Variants in TCEA3 observed in about 807,000 individuals in gnomAD.
TCEA3 encodes the protein transcription elongation factor A3, also known as transcription elongation factor A protein 3.
A neutral mutation model predicts 44.0 loss-of-function variants in TCEA3; 36 were observed. That is an observed-to-expected ratio of 0.82 (90% CI 0.63 to 1.08). TCEA3 has a LOEUF of 1.08. TCEA3 is among the 50% of genes least tolerant of loss of function. The pLI is 0.00. For synonymous variants in TCEA3, 162 were observed against 159.7 expected (o/e 1.01, Z -0.11); for missense variants, 392 against 441.2 (o/e 0.89, Z 1.00).
intron 1 of TCEA3, chr1:23,419,458 G>T: frequency 7.8e-6 from 2 of 257,690 alleles, no homozygotes; most frequent in African/African-American, 2.2e-5. Context: ...CTGGCTTATT[G>T]TTGCTCGTGT....
chr1:23,407,498 T>C (rs1639577122), intron 5 of TCEA3, among the ~76,000 whole-genome samples: 1 of 152,092 alleles, frequency 6.6e-6, no homozygotes. Flanking sequence ...CACTGTTCCT[T>C]GACTCTGCCA....
At position 23,399,495 on chromosome 1, in the gene TCEA3, G is replaced by C. The variant is rs1639334168; in HGVS notation, c.444-1540C>G. ...CCCAAATACAGTCACAATGGGGTTT[G>C]GGATTTCAACATATGAATTTTAGGG... On this transcript the variant is annotated intron_variant, in intron 5 of 10. Coordinates refer to ENST00000450454, the MANE Select transcript of TCEA3 (RefSeq NM_003196.3). 3.9e-5 allele frequency among the ~76,000 whole-genome samples: 6 copies of C among 151,988 alleles called. No individual in the cohort carries two copies. In the South Asian group the frequency reaches 1.0e-3, roughly 26 times the overall value.
At chr1:23,396,275 C>T (rs764643068) in intron 7 of TCEA3, among the ~76,000 whole-genome samples, 1 of 152,146 alleles carries the variant, frequency 6.6e-6, no homozygotes, top group African/African-American at 2.4e-5. Flanking sequence ...GCTCACACCT[C>T]GGTGTGACAC....
Position 23,393,843 on chromosome 1 carries a change from G to A in TCEA3, c.819+36C>T, listed in dbSNP as rs754342220. 4 of 1,604,818 alleles carry A rather than the reference G, an allele frequency of 2.5e-6. No homozygotes were observed. In the South Asian group the frequency reaches 4.4e-5, roughly 18 times the overall value. On this transcript the variant is annotated intron_variant, in intron 8 of 10. Transcript: ENST00000450454. ...CACTAGGCAGGGCTAGGGGGACCTG[G>A]CTTCCTGCCTCACCATGCAGATGCC...
In TCEA3 at chr1:23,392,609, T is replaced by TAC. The variant is rs148531277; in HGVS notation, c.819+1268_819+1269dup. ...TCATACACACACACTCCACACATCATACACACACACACACACTCCACACAT... is the reference window on the plus strand; with the variant it reads ...TCATACACACACACTCCACACATCATACACACACACACACACACTCCACACAT... On this transcript the variant is annotated intron_variant, in intron 8 of 10. Transcript: ENST00000450454. 6.8e-4 allele frequency among the ~76,000 whole-genome samples: 21 copies of TAC among 30,940 alleles called. 1 individual carries two copies. The highest frequency in any genetic ancestry group is 3.0e-3 in the East Asian group (5 of 1,690). The allele number at this position is 30,940 out of a possible 152,430, so 20.3% of individuals were successfully genotyped here.
intron 1 of TCEA3, among the ~76,000 whole-genome samples, chr1:23,424,161 C>A (rs1640147750): frequency 1.3e-5 from 2 of 149,560 alleles, no homozygotes; most frequent in African/African-American, 4.9e-5. Context: ...CCGGATTTGC[C>A]CCCCGCCCCG....
chr1:23,387,155 G>A (rs1244898030), intron 9 of TCEA3, 118 bp downstream of exon 9: 1 of 1,350,516 alleles, frequency 7.4e-7, no homozygotes, highest in Non-Finnish European at 9.9e-7. Flanking sequence ...ACCCGGCAAA[G>A]CCTAGAGAGT....
Position 23,397,892 on chromosome 1 carries a change from C to CGTG in TCEA3, c.504_506dup (p.Thr169dup). ...CCAGGAGACACATGGAAGAGGCAAACGTGGGGGTCAAGGGGCTGCTAGGTG... is the reference window on the plus strand; with the variant it reads ...CCAGGAGACACATGGAAGAGGCAAACGTGGTGGGGGTCAAGGGGCTGCTAGGTG... On this transcript the variant is annotated inframe_insertion, in exon 6 of 11. Coordinates refer to ENST00000450454, the MANE Select transcript of TCEA3 (RefSeq NM_003196.3). The CGTG allele has an allele frequency of 6.2e-7, 1 of 1,613,794 alleles. No individual in the cohort carries two copies. The highest frequency in any genetic ancestry group is 1.7e-5 in the Admixed American group (1 of 59,966).
chr1:23,401,527 G>A (rs1639392889), intron 5 of TCEA3, among the ~76,000 whole-genome samples: 1 of 152,176 alleles, frequency 6.6e-6, no homozygotes, highest in East Asian at 1.9e-4. Flanking sequence ...GTGAGGAAAG[G>A]CTGGACAGGG....
intron 8 of TCEA3, among the ~76,000 whole-genome samples, chr1:23,391,148 CTTTTTT>C (rs59905045): frequency 7.9e-6 from 1 of 126,388 alleles, no homozygotes; most frequent in Non-Finnish European, 1.7e-5. Flanking sequence ...TTCTTTCTTT[CTTTTTT>C]TTTTTTTTTT....
chr1:23,382,368 G>A (rs1047153223), intron 10 of TCEA3, among the ~76,000 whole-genome samples: 1 of 152,138 alleles, frequency 6.6e-6, no homozygotes, highest in Non-Finnish European at 1.5e-5. Context: ...AGGTAAGGAA[G>A]CAGATCAGAG....
chr1:23,418,253 G>A, intron 2 of TCEA3: 1 of 494,484 alleles, frequency 2.0e-6, no homozygotes, highest in East Asian at 3.3e-5. Context: ...GGTGAAACCT[G>A]AACCTAGGGT....
intron 1 of TCEA3, among the ~76,000 whole-genome samples, chr1:23,419,889 A>G (rs1181689655): frequency 2.6e-5 from 4 of 152,218 alleles, no homozygotes; most frequent in Non-Finnish European, 4.4e-5. Flanking sequence ...TTCACATACA[A>G]TAACTGCACA....
At position 23,383,006 on chromosome 1, in the gene TCEA3, G is replaced by A. The variant is rs113853788; in HGVS notation, c.1038+1340C>T. Among the ~76,000 whole-genome samples, 263 of 152,348 alleles carry A rather than the reference G, an allele frequency of 1.7e-3. 3 individuals carry two copies. Among genetic ancestry groups the A allele is most frequent in the South Asian group, 2.3e-3 (11 of 4,828 alleles). On this transcript the variant is annotated intron_variant, in intron 10 of 10. Transcript: ENST00000450454. ...TAAGAAAAATAATTAGAGGCCGGGCGCGGCGGCTCACGCCTGTAATCCCAG... is the reference window on the plus strand; with the variant it reads ...TAAGAAAAATAATTAGAGGCCGGGCACGGCGGCTCACGCCTGTAATCCCAG...
Position 23,397,583 on chromosome 1 carries a change from C to T in TCEA3, c.626G>A (p.Gly209Glu). The T allele has an allele frequency of 1.9e-6, 3 of 1,613,804 alleles. No individual in the cohort carries two copies. Among genetic ancestry groups the T allele is most frequent in the Non-Finnish European group, 2.5e-6 (3 of 1,179,838 alleles). Residue 209 changes from glycine (G) to glutamate (E), a missense_variant, in exon 7 of 11, where the codon GGA (glycine) becomes GAA (glutamate). Transcript: ENST00000450454. ...LKADDDYKDYGVNCDKMASEI... is the reference protein window; with the variant it reads ...LKADDDYKDYEVNCDKMASEI... Reference sequence around the variant, plus strand: ...TGATGCCATCTTGTCACAGTTGACTCCATAGTCCTTGTAATCATCTAAAAG... The same window carrying T: ...TGATGCCATCTTGTCACAGTTGACTTCATAGTCCTTGTAATCATCTAAAAG...
At chr1:23,390,853 T>C (rs994606488) in intron 8 of TCEA3, among the ~76,000 whole-genome samples, 2 of 152,174 alleles carry the variant, frequency 1.3e-5, no homozygotes, top group African/African-American at 4.8e-5. Flanking sequence ...CTGGGTGGAC[T>C]GTGAATGCCG....
chr1:23,408,816 C>G (rs2148573034), intron 4 of TCEA3, 90 bp from the exon 5 acceptor site: 1 of 1,332,064 alleles, frequency 7.5e-7, no homozygotes, highest in East Asian at 2.5e-5. Flanking sequence ...GGGAAAAGGC[C>G]AGCTGGCTTG....
chr1:23,393,866 GC>G lies in TCEA3; in HGVS notation c.819+12del. ...TGGCTTCCTGCCTCACCATGCAGAT[GC>G]CCTGCTCTCACCTCTGCCGTCATCT... On this transcript the variant is annotated intron_variant, in intron 8 of 10. Coordinates refer to ENST00000450454, the MANE Select transcript of TCEA3 (RefSeq NM_003196.3). 6.2e-7 allele frequency: 1 copy of G among 1,611,914 alleles called. No homozygotes were observed. The highest frequency in any genetic ancestry group is 1.3e-5 in the African/African-American group (1 of 75,068).
intron 5 of TCEA3, among the ~76,000 whole-genome samples, chr1:23,404,433 T>C (rs543109659): frequency 2.7e-4 from 41 of 152,202 alleles, no homozygotes; most frequent in African/African-American, 8.9e-4. Context: ...CTTTGACTTT[T>C]ATAGTCATAT....
Sources: allele counts gnomAD v4.1 joint callset (sites outside exome capture counted in the v4.1 genomes callset), GRCh38; gene constraint gnomAD v4.1.1; transcripts MANE v1.5; gene names NCBI Gene and HGNC (gene_info 2026-07-23, HGNC 2026-07-21).